METAP1D: variants seen among roughly 807,000 people sequenced by gnomAD.
METAP1D encodes the protein methionyl aminopeptidase type 1D, mitochondrial.
METAP1D carries 31 observed loss-of-function variants against 40.5 expected under a neutral mutation model. The observed-to-expected ratio is 0.77, with a 90% CI of 0.58 to 1.03. METAP1D has a LOEUF of 1.03. METAP1D is among the 50% of genes least tolerant of loss of function. The probability of loss-of-function intolerance (pLI) is 0.00; values close to 1 mark genes in which losing one functional copy is unlikely to be tolerated. For missense variants in METAP1D, 411 were observed against 420.7 expected, an observed-to-expected ratio of 0.98 and a Z score of 0.20; for synonymous variants, 151 against 146.4, an observed-to-expected ratio of 1.03 and a Z score of -0.22.
intron 1 of METAP1D, among the ~76,000 whole-genome samples, chr2:172,055,775 A>T (rs1244191936): frequency 6.6e-6 from 1 of 152,380 alleles, no homozygotes; most frequent in East Asian, 1.9e-4. Flanking sequence ...AAAGTGTCTT[A>T]TGAAAGTGAA....
chr2:172,082,238 C>G lies in METAP1D; in HGVS notation c.*1832C>G, dbSNP rs1328693229. ...GACTTCAGTTTTCTCCTAAGGCAAT[C>G]AGATTGCAACCATTAGCATTGTATC... On this transcript the variant is annotated 3_prime_UTR_variant, in exon 10 of 10. Coordinates refer to ENST00000315796, the MANE Select transcript of METAP1D (RefSeq NM_199227.3). The G allele has an allele frequency of 2.0e-5, 3 of 151,904 alleles. No individual in the cohort carries two copies. The highest frequency in any genetic ancestry group is 4.4e-5 in the Non-Finnish European group (3 of 68,016). The allele number at this position is 151,904 out of a possible 1,614,324, so 9.4% of individuals were successfully genotyped here. A position where few individuals can be genotyped will look rare whatever the true frequency, so the allele number is the denominator to read the frequency against.
chr2:172,044,951 TCA>T (rs58475588), intron 1 of METAP1D, among the ~76,000 whole-genome samples: 7,605 of 133,646 alleles, frequency 0.057, 1,619 homozygotes, highest in East Asian at 0.53. Flanking sequence ...ATAGGAGACT[TCA>T]CAAAAGAGGA....
chr2:172,019,788 G>T (rs56275752), intron 1 of METAP1D, among the ~76,000 whole-genome samples: 110 of 152,184 alleles, frequency 7.2e-4, no homozygotes, highest in African/African-American at 2.5e-3. Context: ...ATTTGATTTA[G>T]ACGAGCCACC....
At position 172,010,493 on chromosome 2, in the gene METAP1D, C is replaced by CTTTTTT. The variant is rs759651661; in HGVS notation, c.40+10499_40+10504dup. ...TTTTTTCCTTCTTTCCTTCTTTCCTCTTTTTTTTTTTTTTTTTTTTAACAG... is the reference window on the plus strand; with the variant it reads ...TTTTTTCCTTCTTTCCTTCTTTCCTCTTTTTTTTTTTTTTTTTTTTTTTTTTAACAG... On this transcript the variant is annotated intron_variant, in intron 1 of 9. Coordinates refer to ENST00000315796, the MANE Select transcript of METAP1D (RefSeq NM_199227.3). Among the ~76,000 whole-genome samples the CTTTTTT allele has an allele frequency of 4.5e-4, 40 of 88,970 alleles. 1 individual carries two copies. Among genetic ancestry groups the CTTTTTT allele is most frequent in the Non-Finnish European group, 5.9e-4 (29 of 48,932 alleles). 58.4% of individuals were successfully genotyped at this position (88,970 alleles called of 152,430 possible).
chr2:172,053,278 A>G (rs1689928646), intron 1 of METAP1D, among the ~76,000 whole-genome samples: 1 of 152,220 alleles, frequency 6.6e-6, no homozygotes, highest in South Asian at 2.1e-4. Context: ...ATGAAGTGTG[A>G]TCTTTCTGTG....
chr2:172,080,588 C>G lies in METAP1D; in HGVS notation c.*182C>G, dbSNP rs1690681975. On this transcript the variant is annotated 3_prime_UTR_variant, in exon 10 of 10. Transcript: ENST00000315796. ...CAACTGGGAACTCGGATCTGAAGCC[C>G]TGCTGGGGTCGCGCGGCTTTGGAAA... The G allele has an allele frequency of 7.7e-6, 5 of 648,394 alleles. No individual in the cohort carries two copies. The South Asian group carries it at 9.6e-5, about 12-fold the overall frequency. The allele number at this position is 648,394 out of a possible 1,614,324, so 40.2% of individuals were successfully genotyped here.
rs1309222331 is a variant in METAP1D, at chr2:172,048,933, TG to T, written c.41-12564del. ...CTGCTATATACAGATAAAGAGTACATGTTTTTTTGGTGGTTGGGGTGGTTTT... is the reference window on the plus strand; with the variant it reads ...CTGCTATATACAGATAAAGAGTACATTTTTTTTGGTGGTTGGGGTGGTTTT... On this transcript the variant is annotated intron_variant, in intron 1 of 9. Coordinates refer to ENST00000315796, the MANE Select transcript of METAP1D (RefSeq NM_199227.3). Among the ~76,000 whole-genome samples the T allele has an allele frequency of 4.6e-5, 7 of 152,224 alleles. No homozygotes were observed. The East Asian group carries it at 9.6e-4, about 21-fold the overall frequency.
intron 1 of METAP1D, among the ~76,000 whole-genome samples, chr2:172,031,984 C>T (rs77374058): frequency 8.5e-5 from 13 of 152,192 alleles, no homozygotes; most frequent in African/African-American, 2.7e-4. Context: ...ACATGTGTAA[C>T]GGTGCCCTGG....
chr2:172,039,201 C>T (rs1004248174), intron 1 of METAP1D, among the ~76,000 whole-genome samples: 1 of 152,204 alleles, frequency 6.6e-6, no homozygotes. Context: ...TCATGTTTAA[C>T]TCCTGAGAAG....
At chr2:172,079,463 GGCA>G (rs1347724784) in intron 8 of METAP1D, among the ~76,000 whole-genome samples, 1 of 152,236 alleles carries the variant, frequency 6.6e-6, no homozygotes, top group Non-Finnish European at 1.5e-5. Flanking sequence ...TTTAGGAGAA[GGCA>G]GCCATCCAAC....
At chr2:172,022,980 A>G (rs938447045) in intron 1 of METAP1D, among the ~76,000 whole-genome samples, 1 of 152,136 alleles carries the variant, frequency 6.6e-6, no homozygotes, top group African/African-American at 2.4e-5. Flanking sequence ...TGAGGTCGGG[A>G]GTTCGAGATC....
chr2:172,018,014 C>G (rs1688917278), intron 1 of METAP1D, among the ~76,000 whole-genome samples: 1 of 150,766 alleles, frequency 6.6e-6, no homozygotes, highest in Non-Finnish European at 1.5e-5. Context: ...GTAATCCCAG[C>G]TACTTGGGAG....
At chr2:172,069,254 A>G (rs528536466) in intron 5 of METAP1D, among the ~76,000 whole-genome samples, 1 of 152,224 alleles carries the variant, frequency 6.6e-6, no homozygotes, top group Admixed American at 6.5e-5. Flanking sequence ...ATATGAAAAG[A>G]TGAATAAAGA....
chr2:172,004,513 G>A (rs764969703), intron 1 of METAP1D, among the ~76,000 whole-genome samples: 1 of 151,338 alleles, frequency 6.6e-6, no homozygotes, highest in Non-Finnish European at 1.5e-5. Flanking sequence ...TAGTAGAGAC[G>A]GGGGTTTCGC....
At chr2:172,047,321 C>A (rs1689783455) in intron 1 of METAP1D, among the ~76,000 whole-genome samples, 1 of 152,044 alleles carries the variant, frequency 6.6e-6, no homozygotes, top group Admixed American at 6.6e-5. Flanking sequence ...GATTGTGCAC[C>A]AAGACAAATA....
Position 172,075,337 on chromosome 2 carries a change from G to A in METAP1D, c.705-2460G>A, listed in dbSNP as rs535084810. Among the ~76,000 whole-genome samples the A allele has an allele frequency of 7.2e-5, 11 of 152,278 alleles. No homozygotes were observed. In the South Asian group the frequency reaches 1.2e-3, roughly 17 times the overall value. Reference sequence around the variant, plus strand: ...TCTTTTCAGTAGGTTTCAGCAGAGCGAAGACAGATTTTATCCGTGAAATGT... The same window carrying A: ...TCTTTTCAGTAGGTTTCAGCAGAGCAAAGACAGATTTTATCCGTGAAATGT... On this transcript the variant is annotated intron_variant, in intron 6 of 9. Transcript: ENST00000315796.
intron 1 of METAP1D, among the ~76,000 whole-genome samples, chr2:172,055,022 A>G (rs1328061413): frequency 1.3e-5 from 2 of 152,234 alleles, no homozygotes; most frequent in Admixed American, 6.5e-5. Flanking sequence ...TCAAATTAGT[A>G]TAAAGCAACT....
At chr2:172,056,548 C>T (rs1282558103) in intron 1 of METAP1D, among the ~76,000 whole-genome samples, 1 of 152,202 alleles carries the variant, frequency 6.6e-6, no homozygotes, top group Non-Finnish European at 1.5e-5. Flanking sequence ...ACCTTGTCAC[C>T]TCATTCACCA....
In METAP1D at chr2:172,035,147, G is replaced by GT. The variant is rs539548685; in HGVS notation, c.41-26341dup. ...AATACCTATGTAACTACTGTACTGTGTTTTTTTTTTGTTTGTTTGTTTGTT... is the reference window on the plus strand; with the variant it reads ...AATACCTATGTAACTACTGTACTGTGTTTTTTTTTTTGTTTGTTTGTTTGTT... On this transcript the variant is annotated intron_variant, in intron 1 of 9. Coordinates refer to ENST00000315796, the MANE Select transcript of METAP1D (RefSeq NM_199227.3). 3.2e-3 allele frequency among the ~76,000 whole-genome samples: 471 copies of GT among 147,730 alleles called. 1 individual carries two copies. The highest frequency in any genetic ancestry group is 7.1e-3 in the African/African-American group (290 of 40,678).
Sources: gnomAD v4.1 joint callset for allele counts (sites outside exome capture counted in the v4.1 genomes callset) on GRCh38, gnomAD v4.1.1 for gene constraint, MANE v1.5 for transcripts, NCBI Gene and HGNC (gene_info 2026-07-23, HGNC 2026-07-21) for gene names.